Variants in XIRP2 observed in about 807,000 individuals in gnomAD.
XIRP2 encodes xin actin-binding repeat-containing protein 2.
A neutral mutation model predicts 277.0 loss-of-function variants in XIRP2; 236 were observed. The observed-to-expected ratio is 0.85, with a 90% CI of 0.77 to 0.95. The LOEUF is 0.95. Among genes scored for constraint, XIRP2 ranks in the 40% least tolerant of loss-of-function variants. XIRP2 has a pLI of 0.00. For missense variants in XIRP2, 4,640 were observed against 4,157.5 expected (o/e 1.12, Z -3.19); for synonymous variants, 1,490 against 1,416.5 (o/e 1.05, Z -1.17).
chr2:167,069,719 G>A (rs545294115), intron 2 of XIRP2, among the ~76,000 whole-genome samples: 3 of 152,196 alleles, frequency 2.0e-5, no homozygotes, highest in Admixed American at 6.5e-5. Context: ...TTGCCCATGC[G>A]CAGAATTGGC....
intron 2 of XIRP2, among the ~76,000 whole-genome samples, chr2:166,951,269 G>C (rs1322992184): frequency 6.6e-6 from 1 of 151,996 alleles, no homozygotes; most frequent in Non-Finnish European, 1.5e-5. Flanking sequence ...AAGTTGAATT[G>C]GCTCATGGTT....
At chr2:167,151,619 C>A (rs1235355304) in intron 3 of XIRP2, among the ~76,000 whole-genome samples, 1 of 152,044 alleles carries the variant, frequency 6.6e-6, no homozygotes, top group Admixed American at 6.6e-5. Context: ...ATTGTCTGGC[C>A]CAGAGTTTCT....
intron 2 of XIRP2, among the ~76,000 whole-genome samples, chr2:167,092,603 C>T (rs562925965): frequency 2.6e-5 from 4 of 152,070 alleles, no homozygotes; most frequent in East Asian, 1.9e-4. Flanking sequence ...CCATTTCCAA[C>T]GGGGCATCAT....
chr2:167,250,020 C>T lies in XIRP2; in HGVS notation c.8628C>T (p.Thr2876=), dbSNP rs771751931. 18 of 1,613,392 alleles carry T rather than the reference C, an allele frequency of 1.1e-5. No individual in the cohort carries two copies. The highest frequency in any genetic ancestry group is 1.6e-4 in the Middle Eastern group (1 of 6,080). ...TQNFQQTQIQ[T]AESKAEHKKL... ...ATTTTCAGCAAACACAAATACAGAC[C>T]GCTGAAAGTAAAGCTGAACATAAAA... The change falls in exon 9 of 11, where the codon ACC becomes ACT. Residue 2876 remains threonine (T), a synonymous_variant. Transcript: ENST00000409195.
intron 2 of XIRP2, among the ~76,000 whole-genome samples, chr2:167,004,080 GAGAA>G (rs772861705): frequency 2.0e-5 from 3 of 151,830 alleles, no homozygotes; most frequent in South Asian, 2.1e-4. Context: ...ATATAAGAAA[GAGAA>G]AGAAAGTCCA....
At chr2:167,026,873 C>G (rs943555846) in intron 2 of XIRP2, among the ~76,000 whole-genome samples, 1 of 152,016 alleles carries the variant, frequency 6.6e-6, no homozygotes, top group Non-Finnish European at 1.5e-5. Context: ...TGCCGAGATC[C>G]GCTGTTATTC....
chr2:167,026,569 G>T (rs898151061), intron 2 of XIRP2, among the ~76,000 whole-genome samples: 7 of 152,064 alleles, frequency 4.6e-5, no homozygotes, highest in Non-Finnish European at 7.4e-5. Context: ...TTACATTTTG[G>T]CATGTTTTTG....
chr2:167,230,565 A>C, intron 5 of XIRP2, among the ~76,000 whole-genome samples: 1 of 152,068 alleles, frequency 6.6e-6, no homozygotes, highest in East Asian at 1.9e-4. Flanking sequence ...GGTGTTAAAA[A>C]TATTAATTCA....
chr2:166,941,531 A>C (rs930168607), intron 2 of XIRP2, among the ~76,000 whole-genome samples: 3 of 152,222 alleles, frequency 2.0e-5, no homozygotes, highest in African/African-American at 7.2e-5. Flanking sequence ...CATCTTCTGC[A>C]TCACTCACAC....
chr2:167,204,258 A>G (rs1358048519), intron 3 of XIRP2, among the ~76,000 whole-genome samples: 1 of 152,238 alleles, frequency 6.6e-6, no homozygotes, highest in Admixed American at 6.5e-5. Flanking sequence ...TTGTGTCACA[A>G]TAATACACTG....
At chr2:166,964,385 G>A (rs1163288078) in intron 2 of XIRP2, among the ~76,000 whole-genome samples, 2 of 151,750 alleles carry the variant, frequency 1.3e-5, no homozygotes, top group African/African-American at 4.8e-5. Flanking sequence ...TAAGATTAGG[G>A]TCATCTAGCT....
chr2:166,926,346 A>G (rs1195172977), intron 2 of XIRP2, among the ~76,000 whole-genome samples: 2 of 152,026 alleles, frequency 1.3e-5, no homozygotes, highest in African/African-American at 4.8e-5. Flanking sequence ...AATATTCTGT[A>G]CCTCCATTTC....
At chr2:166,945,301 G>A (rs543877185) in intron 2 of XIRP2, among the ~76,000 whole-genome samples, 1 of 152,066 alleles carries the variant, frequency 6.6e-6, no homozygotes, top group African/African-American at 2.4e-5. Flanking sequence ...TTTTTATAGT[G>A]AATGTTAAAG....
At chr2:166,996,658 C>G (rs573686784) in intron 2 of XIRP2, among the ~76,000 whole-genome samples, 1 of 151,998 alleles carries the variant, frequency 6.6e-6, no homozygotes, top group South Asian at 2.1e-4. Context: ...AATAAAATGT[C>G]TAGTTGGCAT....
intron 5 of XIRP2, among the ~76,000 whole-genome samples, chr2:167,233,876 C>T (rs1694826970): frequency 6.6e-6 from 1 of 151,528 alleles, no homozygotes; most frequent in Non-Finnish European, 1.5e-5. Context: ...CTTTAATATA[C>T]ATCTACGTAA....
intron 2 of XIRP2, among the ~76,000 whole-genome samples, chr2:166,996,412 CTTGAGACCAGGAGT>C (rs1687220992): frequency 6.6e-6 from 1 of 152,186 alleles, no homozygotes; most frequent in Admixed American, 6.5e-5. Flanking sequence ...AGGCAGATCA[CTTGAGACCAGGAGT>C]TTGAGACCAG....
intron 2 of XIRP2, among the ~76,000 whole-genome samples, chr2:167,047,666 A>T (rs1688818234): frequency 6.6e-6 from 1 of 152,014 alleles, no homozygotes; most frequent in Non-Finnish European, 1.5e-5. Context: ...GACAGGGCTG[A>T]CAGTAGCAAT....
At chr2:166,919,013 G>T (rs993804058) in intron 2 of XIRP2, among the ~76,000 whole-genome samples, 5 of 152,004 alleles carry the variant, frequency 3.3e-5, no homozygotes, top group African/African-American at 1.2e-4. Context: ...TAATGTGCAG[G>T]GCAGGTACTG....
Position 167,092,283 on chromosome 2 carries a change from A to G in XIRP2, c.409-43626A>G, listed in dbSNP as rs116111506. Among the ~76,000 whole-genome samples, 1,062 of 152,160 alleles carry G rather than the reference A, an allele frequency of 7.0e-3. 14 individuals are homozygous for G. The highest frequency in any genetic ancestry group is 0.024 in the African/African-American group (1,002 of 41,468). ...TTATATCCCACATTTTGCCATATTC[A>G]TTTTTATTTATGGCTCTCATTAACA... On this transcript the variant is annotated intron_variant, in intron 2 of 10. Coordinates refer to ENST00000409195, the MANE Select transcript of XIRP2 (RefSeq NM_152381.6).
Sources: allele counts gnomAD v4.1 joint callset (sites outside exome capture counted in the v4.1 genomes callset), GRCh38; gene constraint gnomAD v4.1.1; transcripts MANE v1.5; gene names NCBI Gene and HGNC (gene_info 2026-07-23, HGNC 2026-07-21).